TET1: variants seen among roughly 807,000 people sequenced by gnomAD.
TET1 encodes tet methylcytosine dioxygenase 1, also known as methylcytosine dioxygenase TET1.
In TET1, 13 loss-of-function variants were observed where a neutral mutation model predicts 148.7. The ratio of observed to expected loss-of-function variants is 0.09; its 90% CI spans 0.06 to 0.14. The LOEUF (loss-of-function observed/expected upper bound fraction) is 0.14, where lower values mean the gene tolerates loss of function less well. TET1 is among the 10% of genes least tolerant of loss of function. The pLI, the probability that TET1 is intolerant of heterozygous loss-of-function variation, is 1.00. For missense variants in TET1, 2,182 were observed against 2,553.8 expected, an observed-to-expected ratio of 0.85 and a Z score of 3.14; for synonymous variants, 907 against 937.2, an observed-to-expected ratio of 0.97 and a Z score of 0.59.
chr10:68,662,239 C>A (rs1267728886), intron 6 of TET1, among the ~76,000 whole-genome samples: 1 of 151,936 alleles, frequency 6.6e-6, no homozygotes, highest in Non-Finnish European at 1.5e-5. Flanking sequence ...GAACTCCTGA[C>A]CTCAAGTGAT....
chr10:68,578,711 T>A (rs2053759416), intron 2 of TET1, among the ~76,000 whole-genome samples: 1 of 151,902 alleles, frequency 6.6e-6, no homozygotes, highest in African/African-American at 2.4e-5. Context: ...GAAAAAGATC[T>A]TATTTGATGC....
At chr10:68,575,507 C>T (rs1455742537) in intron 2 of TET1, among the ~76,000 whole-genome samples, 9 of 150,334 alleles carry the variant, frequency 6.0e-5, no homozygotes, top group Admixed American at 2.7e-4. Context: ...GTCAGGAGTT[C>T]GAGACCAACA....
At chr10:68,647,220 TTGGAAAAGGTAAACCCGCTCAAG>T (rs1401352282) in intron 4 of TET1, among the ~76,000 whole-genome samples, 3 of 152,136 alleles carry the variant, frequency 2.0e-5, no homozygotes, top group Non-Finnish European at 4.4e-5. Context: ...AAAAACAAAC[TTGGAAAAGGTAAACCCGCTCAAG>T]TGGAAAAATA....
intron 2 of TET1, among the ~76,000 whole-genome samples, chr10:68,594,980 CAAAAA>C (rs71019034): frequency 1.8e-5 from 2 of 108,840 alleles, no homozygotes; most frequent in Admixed American, 1.0e-4. Flanking sequence ...GACACCATCT[CAAAAA>C]AAAAAAAAAA....
intron 6 of TET1, among the ~76,000 whole-genome samples, chr10:68,657,377 C>T (rs538408786): frequency 6.0e-4 from 92 of 152,070 alleles, no homozygotes; most frequent in African/African-American, 1.9e-3. Flanking sequence ...GGGGTTTCGC[C>T]GTGTTAGCCA....
chr10:68,679,397 G>T (rs529560835), intron 8 of TET1, among the ~76,000 whole-genome samples: 6 of 152,260 alleles, frequency 3.9e-5, no homozygotes, highest in Admixed American at 3.9e-4. Context: ...GAATATTAAA[G>T]AATTTAAACC....
chr10:68,586,764 T>C (rs1486580124), intron 2 of TET1, among the ~76,000 whole-genome samples: 1 of 152,150 alleles, frequency 6.6e-6, no homozygotes, highest in Non-Finnish European at 1.5e-5. Context: ...AGAGTGGACC[T>C]ACTTGTAACA....
intron 10 of TET1, among the ~76,000 whole-genome samples, chr10:68,685,689 G>A (rs1025723354): frequency 1.1e-4 from 17 of 152,214 alleles, no homozygotes; most frequent in African/African-American, 3.9e-4. Flanking sequence ...AACCTTTAAT[G>A]TAAGGAGGAG....
At position 68,635,778 on chromosome 10, in the gene TET1, C is replaced by T. The variant is rs185954937; in HGVS notation, c.1969-8920C>T. 7.5e-3 allele frequency among the ~76,000 whole-genome samples: 1,147 copies of T among 152,162 alleles called. 9 individuals are homozygous for T. The highest frequency in any genetic ancestry group is 0.012 in the Non-Finnish European group (827 of 68,002). On this transcript the variant is annotated intron_variant, in intron 3 of 11. Coordinates refer to ENST00000373644, the MANE Select transcript of TET1 (RefSeq NM_030625.3). ...GGCTGAGGCAGGCGGATCACGTGAG[C>T]TCAGAAGTTTACAGACCAGCCTAGG...
chr10:68,584,851 C>T (rs938631467), intron 2 of TET1, among the ~76,000 whole-genome samples: 8 of 151,078 alleles, frequency 5.3e-5, no homozygotes, highest in African/African-American at 1.9e-4. Context: ...GGCAAAATCT[C>T]GCCCTGTTGC....
At chr10:68,629,768 T>C (rs1374844598) in intron 3 of TET1, among the ~76,000 whole-genome samples, 2 of 152,144 alleles carry the variant, frequency 1.3e-5, no homozygotes, top group East Asian at 3.9e-4. Context: ...GATCTCCTGA[T>C]CTTGTGATCC....
At chr10:68,687,429 G>A (rs1056622352) in intron 11 of TET1, among the ~76,000 whole-genome samples, 22 of 151,920 alleles carry the variant, frequency 1.4e-4, no homozygotes, top group Admixed American at 1.3e-3. Context: ...AGCCCTACTC[G>A]TTGTTGGCAT....
At chr10:68,664,861 G>T (rs1370816788) in intron 6 of TET1, among the ~76,000 whole-genome samples, 2 of 151,470 alleles carry the variant, frequency 1.3e-5, no homozygotes, top group African/African-American at 4.9e-5. Context: ...TGCAACCTCG[G>T]CTTCCCAGGT....
At chr10:68,622,893 T>A (rs1197255666) in intron 3 of TET1, among the ~76,000 whole-genome samples, 1 of 152,098 alleles carries the variant, frequency 6.6e-6, no homozygotes, top group Non-Finnish European at 1.5e-5. Context: ...AAATTGGGCT[T>A]GTTTGGTACT....
intron 3 of TET1, among the ~76,000 whole-genome samples, chr10:68,642,049 G>A (rs1400799791): frequency 1.3e-5 from 2 of 152,188 alleles, no homozygotes; most frequent in African/African-American, 4.8e-5. Context: ...TTTCAAATGT[G>A]TATACACTGT....
chr10:68,578,001 A>AT (rs971303829), intron 2 of TET1, among the ~76,000 whole-genome samples: 1 of 152,094 alleles, frequency 6.6e-6, no homozygotes, highest in African/African-American at 2.4e-5. Flanking sequence ...AATAACACTG[A>AT]TTTTTTATTT....
At chr10:68,685,857 A>C (rs957923192) in intron 10 of TET1, among the ~76,000 whole-genome samples, 1 of 152,168 alleles carries the variant, frequency 6.6e-6, no homozygotes, top group South Asian at 2.1e-4. Flanking sequence ...AATTAAAAAA[A>C]AATTTTTTTT....
At chr10:68,569,629 A>G (rs1298564847) in intron 1 of TET1, among the ~76,000 whole-genome samples, 1 of 138,392 alleles carries the variant, frequency 7.2e-6, no homozygotes, top group African/African-American at 2.6e-5. Flanking sequence ...TTTAAAACAT[A>G]TATAATGGCT....
In TET1 at chr10:68,624,858, A is replaced by G. The variant is rs1288398475; in HGVS notation, c.1969-19840A>G. Among the ~76,000 whole-genome samples the G allele has an allele frequency of 6.0e-5, 9 of 149,620 alleles. No homozygotes were observed. The East Asian group carries it at 1.8e-3, about 29-fold the overall frequency. ...GCCATTCTCCTGACTCAGCCTCCCG[A>G]GTAGCTGGGACTACAGGAGTCCGCC... On this transcript the variant is annotated intron_variant, in intron 3 of 11. Coordinates refer to ENST00000373644, the MANE Select transcript of TET1 (RefSeq NM_030625.3).
Sources: allele counts gnomAD v4.1 joint callset (sites outside exome capture counted in the v4.1 genomes callset), GRCh38; gene constraint gnomAD v4.1.1; transcripts MANE v1.5; gene names NCBI Gene and HGNC (gene_info 2026-07-23, HGNC 2026-07-21).